PEX19: variants seen among roughly 807,000 people sequenced by gnomAD.
The protein encoded by PEX19 is 33 kDa housekeeping protein.
In PEX19, 29 loss-of-function variants were observed where a neutral mutation model predicts 36.3. That is an observed-to-expected ratio of 0.80 (90% confidence interval 0.60 to 1.09). PEX19 has a LOEUF of 1.09. Ranked by LOEUF, PEX19 falls within the 50% of genes least tolerant of loss-of-function variation. The pLI is 0.00. For missense variants in PEX19, 396 were observed against 368.1 expected, an observed-to-expected ratio of 1.08 and a Z score of -0.62; for synonymous variants, 141 against 135.2, an observed-to-expected ratio of 1.04 and a Z score of -0.30.
chr1:160,279,621 T>C lies in PEX19; in HGVS notation c.830A>G (p.Asn277Ser), dbSNP rs1202409292. 1.2e-6 allele frequency: 2 copies of C among 1,613,966 alleles called. No homozygotes were observed. The highest frequency in any genetic ancestry group is 1.3e-5 in the African/African-American group (1 of 74,920). ...AAGATTGAGGGCATCCAGGTCAAAG[T>C]TGAGGCCAGGAGGCTGGGGAAGAGA... ...ELAGEMPPGL[N>S]FDLDALNLSG... The change falls in exon 8 of 8, where the codon AAC (asparagine) becomes AGC (serine). Residue 277 changes from asparagine (N) to serine (S), a missense_variant. Transcript: ENST00000368072.
At chr1:160,283,722 A>T in intron 1 of PEX19, 83 bp from the exon 2 acceptor site, 1 of 1,118,146 alleles carries the variant, frequency 8.9e-7, no homozygotes, top group Non-Finnish European at 1.4e-6. Flanking sequence ...GCAAAGCATT[A>T]GGAATATGAT....
At chr1:160,281,695 C>T (rs1657777761) in intron 5 of PEX19, among the ~76,000 whole-genome samples, 1 of 152,256 alleles carries the variant, frequency 6.6e-6, no homozygotes, top group Admixed American at 6.5e-5. Flanking sequence ...CATGAGCCAC[C>T]ATGCCCAGCC....
chr1:160,277,679 C>A lies in PEX19; in HGVS notation c.*1872G>T, dbSNP rs1451073761. 6.6e-6 allele frequency: 3 copies of A among 455,064 alleles called. No individual in the cohort carries two copies. The highest frequency in any genetic ancestry group is 8.8e-6 in the Non-Finnish European group (2 of 227,578). The allele number at this position is 455,064 out of a possible 1,614,324, so 28.2% of individuals were successfully genotyped here. On this transcript the variant is annotated 3_prime_UTR_variant, in exon 8 of 8. Transcript: ENST00000368072. ...TGGCTAGGCTAGCAGAAGTGAGAAT[C>A]TGTAAAAGAAAACTGGTAGGACAGA...
intron 1 of PEX19, among the ~76,000 whole-genome samples, chr1:160,284,471 G>A (rs1657918463): frequency 6.6e-6 from 1 of 152,090 alleles, no homozygotes; most frequent in Non-Finnish European, 1.5e-5. Context: ...CTTTCAGGAG[G>A]GTGAACTGCT....
At chr1:160,282,276 T>A in intron 4 of PEX19, 76 bp from the exon 5 acceptor site, 1 of 1,511,398 alleles carries the variant, frequency 6.6e-7, no homozygotes, top group South Asian at 1.1e-5. Context: ...GTGACAAAGA[T>A]AAACTATCTA....
chr1:160,283,021 G>C lies in PEX19; in HGVS notation c.269C>G (p.Ala90Gly). The change falls in exon 3 of 8, where the codon GCA becomes GGA. Residue 90 changes from alanine to glycine, a missense_variant. Transcript: ENST00000368072. ...TTCTTCCTCAGCCAACTCCTTCATT[G>C]CCTTCTCGAACTCCGCAGTGGCTTG... ...ASQATAEFEK[A>G]MKELAEEEPH... is the part of the protein sequence containing the mutation. 9 of 1,614,174 alleles carry C rather than the reference G, an allele frequency of 5.6e-6. No homozygotes were observed. Among genetic ancestry groups the C allele is most frequent in the Non-Finnish European group, 6.8e-6 (8 of 1,180,026 alleles).
chr1:160,280,309 G>C, intron 5 of PEX19, 63 bp from the exon 6 acceptor site: 1 of 1,395,872 alleles, frequency 7.2e-7, no homozygotes. Context: ...TGGGTAATCA[G>C]AACAATGTGA....
At position 160,277,226 on chromosome 1, in the gene PEX19, C is replaced by A. The variant is rs1657576931; in HGVS notation, c.*2325G>T. ...TTTTTTTTTTTTCACCAGTCTGTGA[C>A]ATGGTGAATTAGAAATTGAGAGTGT... On this transcript the variant is annotated 3_prime_UTR_variant, in exon 8 of 8. Transcript: ENST00000368072. 1 of 454,710 alleles carries A rather than the reference C, an allele frequency of 2.2e-6. No individual in the cohort carries two copies. The highest frequency in any genetic ancestry group is 7.0e-5 in the East Asian group (1 of 14,372). 28.2% of individuals were successfully genotyped at this position (454,710 alleles called of 1,614,324 possible).
intron 2 of PEX19, 34 bp downstream of exon 2, chr1:160,283,496 C>T: frequency 6.8e-7 from 1 of 1,467,242 alleles, no homozygotes; most frequent in South Asian, 1.1e-5. Context: ...CATGCCCATC[C>T]CCTCCCCATC....
At chr1:160,282,861 C>T (rs1657833757) in intron 3 of PEX19, 83 bp downstream of exon 3, 1 of 1,446,764 alleles carries the variant, frequency 6.9e-7, no homozygotes, top group Non-Finnish European at 9.7e-7. Flanking sequence ...TTGCTATCAA[C>T]TTCACTAAGA....
chr1:160,278,276 T>C lies in PEX19; in HGVS notation c.*1275A>G. On this transcript the variant is annotated 3_prime_UTR_variant, in exon 8 of 8. Transcript: ENST00000368072. ...GTAAAAGGTTAAAATATAATACCAC[T>C]TGAAGGGCTTTCTACATTGAAATAC... The C allele has an allele frequency of 1.4e-6, 1 of 698,270 alleles. No homozygotes were observed. Among genetic ancestry groups the C allele is most frequent in the Non-Finnish European group, 2.6e-6 (1 of 383,620 alleles). 43.3% of individuals were successfully genotyped at this position (698,270 alleles called of 1,614,324 possible).
chr1:160,281,658 G>C (rs552668599), intron 5 of PEX19, among the ~76,000 whole-genome samples: 1 of 152,102 alleles, frequency 6.6e-6, no homozygotes, highest in Non-Finnish European at 1.5e-5. Flanking sequence ...CACCCGCCTC[G>C]GCCTCCCAAG....
rs1657558974 is a variant in PEX19, at chr1:160,276,923, T to C, written c.*2628A>G. ...AACAAAGGAGCAACTCCTTTAAAGT[T>C]TGAGAGTCGCATAAATATTTCATAT... On this transcript the variant is annotated 3_prime_UTR_variant, in exon 8 of 8. Coordinates refer to ENST00000368072, the MANE Select transcript of PEX19 (RefSeq NM_002857.4). 1 of 451,408 alleles carries C rather than the reference T, an allele frequency of 2.2e-6. No homozygotes were observed. Among genetic ancestry groups the C allele is most frequent in the South Asian group, 1.6e-5 (1 of 64,170 alleles). The allele number at this position is 451,408 out of a possible 1,614,324, so 28.0% of individuals were successfully genotyped here.
Position 160,279,240 on chromosome 1 carries a change from T to G in PEX19, c.*311A>C. On this transcript the variant is annotated 3_prime_UTR_variant, in exon 8 of 8. Transcript: ENST00000368072. ...AACATCAGTGTGGCCACATATAACA[T>G]TATTTTGAGAAAGGAAAGAAAGTGC... 3.8e-6 allele frequency: 2 copies of G among 526,264 alleles called. No individual in the cohort carries two copies. The highest frequency in any genetic ancestry group is 1.9e-5 in the African/African-American group (1 of 52,762). The allele number at this position is 526,264 out of a possible 1,614,324, so 32.6% of individuals were successfully genotyped here.
chr1:160,281,264 T>C (rs1657760746), intron 5 of PEX19: 1 of 152,328 alleles, frequency 6.6e-6, no homozygotes, highest in African/African-American at 2.4e-5. Context: ...TGAGCCAAGA[T>C]CGTGCCACTG....
At chr1:160,284,922 G>A (rs894953461) in intron 1 of PEX19, 133 bp downstream of exon 1, 1 of 777,876 alleles carries the variant, frequency 1.3e-6, no homozygotes, top group East Asian at 2.6e-5. Context: ...GGGGCTCGGG[G>A]GTCAGACTCT....
At position 160,277,571 on chromosome 1, in the gene PEX19, A is replaced by G. The variant is rs372976790; in HGVS notation, c.*1980T>C. On this transcript the variant is annotated 3_prime_UTR_variant, in exon 8 of 8. Coordinates refer to ENST00000368072, the MANE Select transcript of PEX19 (RefSeq NM_002857.4). The stretch of plus-strand genomic sequence containing the variant: ...CCTGAGGTCAACCTGCTCACATTCA[A>G]TCAAAATCAAAATAAAAATGAGTGC... The G allele has an allele frequency of 1.7e-4, 79 of 454,260 alleles. 1 individual carries two copies. In the East Asian group the frequency reaches 5.3e-3, roughly 30 times the overall value. The allele number at this position is 454,260 out of a possible 1,614,324, so 28.1% of individuals were successfully genotyped here.
intron 4 of PEX19, 28 bp downstream of exon 4, chr1:160,282,389 T>C (rs753811274): frequency 1.1e-5 from 17 of 1,567,828 alleles, no homozygotes; most frequent in Non-Finnish European, 1.4e-5. Flanking sequence ...AGTGGACCCC[T>C]TGTGGGCCCC....
intron 1 of PEX19, chr1:160,284,234 G>A: frequency 2.1e-6 from 1 of 467,290 alleles, no homozygotes; most frequent in African/African-American, 2.0e-5. Flanking sequence ...GCAGATAACC[G>A]TACACTAATT....
Sources: allele counts gnomAD v4.1 joint callset (sites outside exome capture counted in the v4.1 genomes callset), GRCh38; gene constraint gnomAD v4.1.1; transcripts MANE v1.5; gene names NCBI Gene and HGNC (gene_info 2026-07-23, HGNC 2026-07-21).